Variants in PRUNE2 observed in about 807,000 individuals in gnomAD.
PRUNE2 encodes protein prune homolog 2.
PRUNE2 carries 164 observed loss-of-function variants against 252.0 expected under a neutral mutation model. The observed-to-expected ratio is 0.65, with a 90% CI of 0.57 to 0.74. The LOEUF is 0.74. Among genes scored for constraint, PRUNE2 ranks in the 30% least tolerant of loss-of-function variants. The probability of loss-of-function intolerance (pLI) is 0.00; values close to 1 mark genes in which losing one functional copy is unlikely to be tolerated. For missense variants in PRUNE2, 3,495 were observed against 3,711.0 expected (o/e 0.94, Z 1.51); for synonymous variants, 1,292 against 1,350.2 (o/e 0.96, Z 0.94).
chr9:76,736,533 T>C (rs2049088930), intron 6 of PRUNE2: 1 of 152,274 alleles, frequency 6.6e-6, no homozygotes, highest in Admixed American at 6.5e-5. Flanking sequence ...ATCAAGATCC[T>C]GACATACTCG....
At chr9:76,887,545 G>C (rs1010657961) in intron 1 of PRUNE2, among the ~76,000 whole-genome samples, 5 of 152,222 alleles carry the variant, frequency 3.3e-5, no homozygotes, top group Non-Finnish European at 7.3e-5. Context: ...CCCATGGGCA[G>C]AGTATACTTC....
At chr9:76,812,678 T>G (rs897516856) in intron 6 of PRUNE2, among the ~76,000 whole-genome samples, 2 of 152,186 alleles carry the variant, frequency 1.3e-5, no homozygotes, top group African/African-American at 4.8e-5. Flanking sequence ...CAGACTGTGG[T>G]AGGCAAATAA....
At chr9:76,644,014 A>C (rs1419767753) in intron 12 of PRUNE2, among the ~76,000 whole-genome samples, 1 of 152,172 alleles carries the variant, frequency 6.6e-6, no homozygotes, top group Non-Finnish European at 1.5e-5. Context: ...CAGCAGAAGA[A>C]TCAAAATGCT....
intron 6 of PRUNE2, among the ~76,000 whole-genome samples, chr9:76,745,485 C>A (rs1332812253): frequency 6.6e-6 from 1 of 152,124 alleles, no homozygotes; most frequent in African/African-American, 2.4e-5. Flanking sequence ...ACTGATGACT[C>A]CACCTGGACC....
chr9:76,692,762 C>T (rs1373769356), intron 9 of PRUNE2: 1 of 152,570 alleles, frequency 6.6e-6, no homozygotes, highest in Admixed American at 6.5e-5. Flanking sequence ...TACTAAACCT[C>T]ATGGCACCTT....
intron 4 of PRUNE2, among the ~76,000 whole-genome samples, chr9:76,843,864 G>A (rs79155198): frequency 0.085 from 12,855 of 151,758 alleles, 679 homozygotes; most frequent in East Asian, 0.15. Context: ...AAGTAGCTGG[G>A]ATTACAGGCG....
intron 6 of PRUNE2, among the ~76,000 whole-genome samples, chr9:76,724,512 T>C (rs1476800553): frequency 2.0e-5 from 3 of 151,710 alleles, no homozygotes; most frequent in Non-Finnish European, 4.4e-5. Flanking sequence ...TGAAATGAAG[T>C]GGGCTGATTT....
At chr9:76,889,900 G>A (rs1240774011) in intron 1 of PRUNE2, among the ~76,000 whole-genome samples, 6 of 152,306 alleles carry the variant, frequency 3.9e-5, no homozygotes, top group Middle Eastern at 6.8e-3. Context: ...CTGAGAGCCT[G>A]TTAGAAGTGC....
chr9:76,838,224 A>C (rs528450948), intron 4 of PRUNE2, among the ~76,000 whole-genome samples: 1 of 113,910 alleles, frequency 8.8e-6, no homozygotes, highest in Admixed American at 1.1e-4. Flanking sequence ...TTTATGGAAG[A>C]AGGAAGGGCA....
chr9:76,888,062 T>C (rs761814511), intron 1 of PRUNE2, among the ~76,000 whole-genome samples: 1 of 151,974 alleles, frequency 6.6e-6, no homozygotes. Flanking sequence ...AAATGAAGCA[T>C]GAACCAAAAA....
chr9:76,820,998 G>A (rs1276041386), intron 6 of PRUNE2, among the ~76,000 whole-genome samples: 1 of 152,096 alleles, frequency 6.6e-6, no homozygotes, highest in Non-Finnish European at 1.5e-5. Context: ...AGAGAGAGAA[G>A]TCAGATACCA....
intron 6 of PRUNE2, chr9:76,817,648 C>G (rs574315551): frequency 3.3e-5 from 5 of 152,328 alleles, no homozygotes; most frequent in African/African-American, 9.6e-5. Context: ...CTGAATCACC[C>G]CTGGCCACCT....
intron 4 of PRUNE2, among the ~76,000 whole-genome samples, chr9:76,837,818 C>A: frequency 6.8e-6 from 1 of 147,740 alleles, no homozygotes; most frequent in Admixed American, 6.9e-5. Flanking sequence ...GTCGCCCAGG[C>A]TGGAGTGCAG....
rs140830070 is a variant in PRUNE2, at chr9:76,886,360, G to C, written c.36+19568C>G. Among the ~76,000 whole-genome samples, 8 of 152,278 alleles carry C rather than the reference G, an allele frequency of 5.3e-5. No individual in the cohort carries two copies. In the East Asian group the frequency reaches 9.6e-4, roughly 18 times the overall value. On this transcript the variant is annotated intron_variant, in intron 1 of 18. Coordinates refer to ENST00000376718, the MANE Select transcript of PRUNE2 (RefSeq NM_015225.3). Reference sequence around the variant, plus strand: ...TTGACATTCTAATTCCACGACCCTTGTTCTTTTCCTTTCACCTTAAGGCTC... The same window carrying C: ...TTGACATTCTAATTCCACGACCCTTCTTCTTTTCCTTTCACCTTAAGGCTC...
intron 6 of PRUNE2, among the ~76,000 whole-genome samples, chr9:76,803,447 T>C (rs1054775203): frequency 3.9e-5 from 6 of 152,200 alleles, no homozygotes; most frequent in Admixed American, 2.0e-4. Flanking sequence ...GGGCTAATTC[T>C]TGCCCTGATC....
chr9:76,730,191 A>T (rs1193021113), intron 6 of PRUNE2, among the ~76,000 whole-genome samples: 1 of 152,162 alleles, frequency 6.6e-6, no homozygotes, highest in Non-Finnish European at 1.5e-5. Flanking sequence ...CAGTCTAGAG[A>T]GTTTTTGGCT....
intron 4 of PRUNE2, among the ~76,000 whole-genome samples, chr9:76,839,835 C>A (rs925907067): frequency 6.6e-6 from 1 of 152,110 alleles, no homozygotes; most frequent in African/African-American, 2.4e-5. Context: ...GATGGAGGGT[C>A]AGCAGGACTG....
chr9:76,665,353 C>T (rs1249071624), intron 9 of PRUNE2, among the ~76,000 whole-genome samples: 3 of 152,138 alleles, frequency 2.0e-5, no homozygotes. Context: ...GAATCGGGAT[C>T]TGGGACCTCA....
chr9:76,764,054 A>T (rs1444971428), intron 6 of PRUNE2, among the ~76,000 whole-genome samples: 1 of 152,222 alleles, frequency 6.6e-6, no homozygotes, highest in Non-Finnish European at 1.5e-5. Flanking sequence ...GGGCAAGGGT[A>T]GGACCAATAA....
Sources: allele counts gnomAD v4.1 joint callset (sites outside exome capture counted in the v4.1 genomes callset), GRCh38; gene constraint gnomAD v4.1.1; transcripts MANE v1.5; gene names NCBI Gene and HGNC (gene_info 2026-07-23, HGNC 2026-07-21).